The following CTNNA1 variants were observed in gnomAD, a reference collection of about 807,000 sequenced individuals.
CTNNA1 encodes catenin alpha-1.
In CTNNA1, 37 loss-of-function variants were observed where a neutral mutation model predicts 98.4. That is an observed-to-expected ratio of 0.38 (90% CI 0.29 to 0.49). The LOEUF (loss-of-function observed/expected upper bound fraction) is 0.49, where lower values mean the gene tolerates loss of function less well. Among genes scored for constraint, CTNNA1 ranks in the 20% least tolerant of loss-of-function variants. The pLI is 0.95. For missense variants in CTNNA1, 761 were observed against 1,147.2 expected, an observed-to-expected ratio of 0.66 and a Z score of 4.86; for synonymous variants, 404 against 413.2, an observed-to-expected ratio of 0.98 and a Z score of 0.27.
intron 7 of CTNNA1, among the ~76,000 whole-genome samples, chr5:138,858,917 C>T (rs1158459538): frequency 6.6e-6 from 1 of 152,208 alleles, no homozygotes; most frequent in African/African-American, 2.4e-5. Flanking sequence ...TCTTGTAGTT[C>T]AAGTACATGA....
At chr5:138,768,935 T>A (rs1753229660) in intron 1 of CTNNA1, among the ~76,000 whole-genome samples, 1 of 152,168 alleles carries the variant, frequency 6.6e-6, no homozygotes, top group African/African-American at 2.4e-5. Context: ...TAGCAGGATC[T>A]GACATCTAGC....
chr5:138,754,285 CGAGTGTGAAGCACTTGTT>C (rs1459403300), intron 1 of CTNNA1: 1 of 148,934 alleles, frequency 6.7e-6, no homozygotes, highest in African/African-American at 2.5e-5. Context: ...TGTGTGCGTG[CGAGTGTGAAGCACTTGTT>C]GGAAAAAATG....
At chr5:138,852,770 C>G (rs1763318614) in intron 7 of CTNNA1, among the ~76,000 whole-genome samples, 1 of 151,954 alleles carries the variant, frequency 6.6e-6, no homozygotes, top group Admixed American at 6.6e-5. Flanking sequence ...ATTCCACATC[C>G]TCTCCTCCTA....
At chr5:138,840,260 A>G (rs772431140) in intron 7 of CTNNA1, among the ~76,000 whole-genome samples, 20 of 152,206 alleles carry the variant, frequency 1.3e-4, no homozygotes, top group Admixed American at 2.0e-4. Flanking sequence ...GGTGCTTTAT[A>G]GCTTTCTGTG....
At chr5:138,851,825 G>A (rs999725228) in intron 7 of CTNNA1, among the ~76,000 whole-genome samples, 5 of 152,020 alleles carry the variant, frequency 3.3e-5, no homozygotes, top group African/African-American at 1.2e-4. Flanking sequence ...GGAGGCCGAG[G>A]CAGGCGGATC....
chr5:138,873,672 A>T lies in CTNNA1; in HGVS notation c.1063-12540A>T. On this transcript the variant is annotated intron_variant, in intron 7 of 17. Transcript: ENST00000302763. The surrounding 1 kb of genome is among the most constrained non-coding windows in gnomAD (Gnocchi z 6.1). ...GTTGTGAGGGATCTCAGGGAGTTTA[A>T]GATCTTGGAATCAAGGCTGTTTAAC... 6.2e-7 allele frequency: 1 copy of T among 1,614,060 alleles called. No homozygotes were observed. The highest frequency in any genetic ancestry group is 8.5e-7 in the Non-Finnish European group (1 of 1,179,904).
At chr5:138,923,497 GCCTTCCCT>G in intron 11 of CTNNA1, among the ~76,000 whole-genome samples, 1 of 152,118 alleles carries the variant, frequency 6.6e-6, no homozygotes, top group East Asian at 1.9e-4. Context: ...CTGTTTCCTG[GCCTTCCCT>G]GGAAAGGTGT....
chr5:138,910,890 T>C (rs1760468338), intron 10 of CTNNA1, among the ~76,000 whole-genome samples: 3 of 152,152 alleles, frequency 2.0e-5, no homozygotes, highest in Admixed American at 2.0e-4. Flanking sequence ...TAATTTGAGA[T>C]GGGAAACCAT....
At chr5:138,864,597 T>G (rs1466113042) in intron 7 of CTNNA1, among the ~76,000 whole-genome samples, 1 of 152,174 alleles carries the variant, frequency 6.6e-6, no homozygotes, top group Non-Finnish European at 1.5e-5. Context: ...CTCAGCTAAA[T>G]TATAAACTAA....
chr5:138,902,888 CCTT>C (rs1758375658), intron 9 of CTNNA1, among the ~76,000 whole-genome samples: 1 of 151,974 alleles, frequency 6.6e-6, no homozygotes, highest in East Asian at 1.9e-4. Context: ...ATATTTGTTT[CCTT>C]TTTTTTTAAG....
At chr5:138,877,708 A>C (rs993156353) in intron 7 of CTNNA1, among the ~76,000 whole-genome samples, 16 of 152,172 alleles carry the variant, frequency 1.1e-4, no homozygotes, top group African/African-American at 3.6e-4. Context: ...CGGCCTCCCA[A>C]AGTGCTGGGA....
chr5:138,809,870 T>C (rs1758493172), intron 3 of CTNNA1, among the ~76,000 whole-genome samples, 168 bp from the exon 4 acceptor site: 1 of 152,152 alleles, frequency 6.6e-6, no homozygotes, highest in Admixed American at 6.6e-5. Flanking sequence ...TTTTTAGTGA[T>C]AGCTATAAAA....
intron 7 of CTNNA1, among the ~76,000 whole-genome samples, chr5:138,864,856 C>G (rs1409685951): frequency 6.6e-6 from 1 of 151,850 alleles, no homozygotes; most frequent in Non-Finnish European, 1.5e-5. Flanking sequence ...GCTCTGTTGC[C>G]CAGGCTGGAG....
At chr5:138,799,113 C>T (rs747974188) in intron 3 of CTNNA1, among the ~76,000 whole-genome samples, 13 of 151,654 alleles carry the variant, frequency 8.6e-5, no homozygotes, top group Admixed American at 2.6e-4. Context: ...TCAAGTAATC[C>T]CCTACCCTCA....
At chr5:138,891,333 A>T in intron 9 of CTNNA1, 1 of 152,006 alleles carries the variant, frequency 6.6e-6, no homozygotes, top group South Asian at 2.1e-4. Context: ...CTCCCTCCAG[A>T]GACAGCATAT....
chr5:138,892,367 T>G (rs1382569888), intron 9 of CTNNA1, among the ~76,000 whole-genome samples: 3 of 122,918 alleles, frequency 2.4e-5, no homozygotes, highest in Admixed American at 9.9e-5. Context: ...TGAGACAGAG[T>G]CTTGCTCTGT....
At chr5:138,867,292 C>T (rs1270078761) in intron 7 of CTNNA1, among the ~76,000 whole-genome samples, 1 of 152,162 alleles carries the variant, frequency 6.6e-6, no homozygotes, top group Non-Finnish European at 1.5e-5. Context: ...GCTTCCCTGG[C>T]ATTGGGAAAA....
intron 1 of CTNNA1, among the ~76,000 whole-genome samples, chr5:138,756,605 C>G (rs1751676770): frequency 6.6e-6 from 1 of 152,098 alleles, no homozygotes; most frequent in Non-Finnish European, 1.5e-5. Flanking sequence ...AGGAAAGACT[C>G]CGTGTGTTTA....
At chr5:138,791,615 CAAAAAAAAA>C (rs1181055311) in intron 3 of CTNNA1, among the ~76,000 whole-genome samples, 1,445 of 40,282 alleles carry the variant, frequency 0.036, 24 homozygotes, top group Middle Eastern at 0.11. Context: ...GACTCCGTCT[CAAAAAAAAA>C]AAAAAAAAAA....
Sources: gnomAD v4.1 joint callset for allele counts (sites outside exome capture counted in the v4.1 genomes callset) on GRCh38, gnomAD v4.1.1 for gene constraint, Gnocchi (gnomAD v3.1) non-coding constraint, MANE v1.5 for transcripts, NCBI Gene and HGNC (gene_info 2026-07-23, HGNC 2026-07-21) for gene names.